Variants in FANCI observed in about 807,000 individuals in gnomAD.
The protein encoded by FANCI is Fanconi anemia group I protein.
In FANCI, 156 loss-of-function variants were observed where a neutral mutation model predicts 176.1. That is an observed-to-expected ratio of 0.89 (90% CI 0.78 to 1.01). The LOEUF is 1.01. Among genes scored for constraint, FANCI ranks in the 50% least tolerant of loss-of-function variants. FANCI has a pLI of 0.00. For synonymous variants in FANCI, 613 were observed against 541.7 expected (o/e 1.13, Z -1.83); for missense variants, 1,678 against 1,534.1 (o/e 1.09, Z -1.57).
intron 8 of FANCI, 85 bp downstream of exon 8, chr15:89,264,111 A>G: frequency 6.8e-7 from 1 of 1,474,292 alleles, no homozygotes; most frequent in Non-Finnish European, 9.5e-7. Context: ...TGGTTTATAT[A>G]GCAGAGCAAA....
intron 2 of FANCI, among the ~76,000 whole-genome samples, chr15:89,254,886 T>G (rs1247205445): frequency 6.6e-6 from 1 of 152,142 alleles, no homozygotes; most frequent in African/African-American, 2.4e-5. Context: ...AGTTGGAAAA[T>G]CATTCCTTTG....
chr15:89,259,777 G>C (rs2052639149), intron 3 of FANCI, among the ~76,000 whole-genome samples: 1 of 152,066 alleles, frequency 6.6e-6, no homozygotes, highest in Non-Finnish European at 1.5e-5. Flanking sequence ...GACTTCTTTC[G>C]TTTATAATGT....
At chr15:89,315,809 T>A (rs922867666) in intron 37 of FANCI, among the ~76,000 whole-genome samples, 2 of 152,224 alleles carry the variant, frequency 1.3e-5, no homozygotes, top group African/African-American at 4.8e-5. Flanking sequence ...TTTTCCCTTG[T>A]GGTTTGTTCC....
chr15:89,248,346 T>C (rs2052082893), intron 2 of FANCI, among the ~76,000 whole-genome samples: 1 of 152,224 alleles, frequency 6.6e-6, no homozygotes, highest in Non-Finnish European at 1.5e-5. Flanking sequence ...AAGGTATATG[T>C]ACAAACAAGT....
At position 89,283,259 on chromosome 15, in the gene FANCI, T is replaced by C; in HGVS notation, c.1698+9T>C. ...CTCTCAGTGTCAGTCAGGTAAGGAT[T>C]ATTTACGTTAACTTGCAGTGTGTGC... On this transcript the variant is annotated intron_variant, in intron 17 of 37. Transcript: ENST00000310775. 7.4e-6 allele frequency: 12 copies of C among 1,613,352 alleles called. No homozygotes were observed. Among genetic ancestry groups the C allele is most frequent in the Non-Finnish European group, 1.0e-5 (12 of 1,179,274 alleles).
At chr15:89,287,173 C>T (rs1445593962) in intron 18 of FANCI, among the ~76,000 whole-genome samples, 2 of 152,014 alleles carry the variant, frequency 1.3e-5, no homozygotes, top group African/African-American at 2.4e-5. Context: ...TGGGGTTTCA[C>T]CATGTTGGCC....
At position 89,246,767 on chromosome 15, in the gene FANCI, T is replaced by C. The variant is rs61621756; in HGVS notation, c.-19-862T>C. On this transcript the variant is annotated intron_variant, in intron 1 of 37. Transcript: ENST00000310775. ...TCTTTCTTTCTTTCTTCCTTTCTTT[T>C]TTTTTTTTTTTTTTTTGAGACAGAG... 5.6e-3 allele frequency among the ~76,000 whole-genome samples: 642 copies of C among 115,638 alleles called. 12 individuals carry two copies. The highest frequency in any genetic ancestry group is 0.022 in the African/African-American group (583 of 26,144). The allele number at this position is 115,638 out of a possible 152,430, so 75.9% of individuals were successfully genotyped here.
Position 89,305,621 on chromosome 15 carries a change from A to T in FANCI, c.3272A>T (p.Gln1091Leu). ...TTCTTTCAGTTACTTGTTCTGAGTC[A>T]GGCCGAGAAGGTTCTAGAAGAAGTG... ...APTVCLLVLS[Q>L]AEKVLEEVDW... Residue 1091 changes from glutamine (Q) to leucine (L), a missense_variant, in exon 31 of 38, where the codon CAG becomes CTG. Gln to Leu is a moderately radical substitution (Grantham distance 113, BLOSUM62 -2). Transcript: ENST00000310775. 6.2e-7 allele frequency: 1 copy of T among 1,614,206 alleles called. No individual in the cohort carries two copies. The highest frequency in any genetic ancestry group is 8.5e-7 in the Non-Finnish European group (1 of 1,180,032).
chr15:89,260,822 C>G lies in FANCI; in HGVS notation c.267C>G (p.Ile89Met), dbSNP rs1348215359. The part of the protein sequence containing the change: ...GDLQKEIASE[I>M]IGLLMLEAHH... Reference sequence around the variant, plus strand: ...TGCAGAAAGAAATAGCGTCTGAGATCATAGGATTACTGATGCTGGAGGTAA... The same window carrying G: ...TGCAGAAAGAAATAGCGTCTGAGATGATAGGATTACTGATGCTGGAGGTAA... The change falls in exon 4 of 38, where the codon ATC (isoleucine) becomes ATG (methionine). Residue 89 changes from isoleucine to methionine, a missense_variant. By Grantham distance (10) the Ile-to-Met change is conservative. Coordinates refer to ENST00000310775, the MANE Select transcript of FANCI (RefSeq NM_001113378.2). 1 of 1,613,784 alleles carries G rather than the reference C, an allele frequency of 6.2e-7. No individual in the cohort carries two copies. The highest frequency in any genetic ancestry group is 1.1e-5 in the South Asian group (1 of 91,052).
At position 89,268,465 on chromosome 15, in the gene FANCI, CAT is replaced by C. The variant is rs2053064127; in HGVS notation, c.823_824del (p.Ile275CysfsTer9). The C allele has an allele frequency of 6.2e-7, 1 of 1,614,174 alleles. No homozygotes were observed. The highest frequency in any genetic ancestry group is 2.2e-5 in the East Asian group (1 of 44,888). ...ATGTGGAAGGCACCATTATTCTACA[CAT>C]TGTGTTTGCCATCAAATTGGACTAT... ...RHVEGTIILHIVFAIKLDYEL... is the reference protein window; with the variant it reads ...RHVEGTIILHXVFAIKLDYEL... On this transcript the variant is annotated frameshift_variant, in exon 10 of 38. Transcript: ENST00000310775. LOFTEE classifies it high-confidence loss of function.
In FANCI at chr15:89,299,888, T is replaced by C. The variant is rs1208946828; in HGVS notation, c.2725T>C (p.Leu909=). 6.2e-7 allele frequency: 1 copy of C among 1,614,052 alleles called. No homozygotes were observed. Among genetic ancestry groups the C allele is most frequent in the Admixed American group, 1.7e-5 (1 of 60,010 alleles). The change falls in exon 25 of 38, where the codon TTG becomes CTG. Residue 909 remains leucine (L), a synonymous_variant. Coordinates refer to ENST00000310775, the MANE Select transcript of FANCI (RefSeq NM_001113378.2). The stretch of plus-strand genomic sequence containing the variant: ...AGGAAAGAGCATCTCACTGCTGTGC[T>C]TGGAGGGTTTACAGAAAATATTCAG... ...EKGKSISLLC[L]EGLQKIFSAV...
intron 28 of FANCI, among the ~76,000 whole-genome samples, chr15:89,304,278 A>G (rs190178234): frequency 3.3e-5 from 5 of 152,380 alleles, no homozygotes; most frequent in Admixed American, 6.5e-5. Context: ...AGCAGTAGAA[A>G]GGATAAAAGA....
chr15:89,253,168 A>C (rs917541630), intron 2 of FANCI, among the ~76,000 whole-genome samples: 2 of 152,234 alleles, frequency 1.3e-5, no homozygotes, highest in African/African-American at 4.8e-5. Flanking sequence ...AATAGACCCA[A>C]CTACAAGTAA....
In FANCI at chr15:89,281,795, G is replaced by A. The variant is rs1297941905; in HGVS notation, c.1543G>A (p.Asp515Asn). Residue 515 changes from aspartate to asparagine, a missense_variant, in exon 16 of 38, where the codon GAC becomes AAC. This residue lies in a region of FANCI where 1,204 missense variants were observed against 1,077.4 expected (regional missense o/e 1.12). Transcript: ENST00000310775. ...TCTCAAAGTCAGCATGTCAATGAGAGACTGCTTGATACTTGTCCTTCGGAA... is the reference window on the plus strand; with the variant it reads ...TCTCAAAGTCAGCATGTCAATGAGAAACTGCTTGATACTTGTCCTTCGGAA... ...PLLKVSMSMR[D>N]CLILVLRKAM... The A allele has an allele frequency of 6.2e-7, 1 of 1,613,924 alleles. No individual in the cohort carries two copies. Among genetic ancestry groups the A allele is most frequent in the Non-Finnish European group, 8.5e-7 (1 of 1,179,910 alleles).
intron 32 of FANCI, among the ~76,000 whole-genome samples, chr15:89,307,086 C>T (rs933292337): frequency 3.9e-5 from 6 of 152,192 alleles, no homozygotes; most frequent in Non-Finnish European, 8.8e-5. Flanking sequence ...TGGACCACCC[C>T]GCATCACAGC....
chr15:89,263,778 G>C (rs1178035350), intron 7 of FANCI, 125 bp from the exon 8 acceptor site: 3 of 1,145,460 alleles, frequency 2.6e-6, no homozygotes, highest in Non-Finnish European at 3.8e-6. Flanking sequence ...TTAATTCTCT[G>C]CTCCCAAGTT....
rs372117099 is a variant in FANCI at position 89,294,863 on chromosome 15, A to G, written c.2457-52A>G. On this transcript the variant is annotated intron_variant, in intron 23 of 37. Transcript: ENST00000310775. ...CTAGAAAGCTTAATTCCATATACCA[A>G]TAGCAGTAAGGGAATCTTCCTTTTT... is the stretch of plus-strand genomic sequence containing the variant. The G allele has an allele frequency of 4.6e-5, 70 of 1,524,524 alleles. 1 individual carries two copies. In the East Asian group the frequency reaches 8.1e-4, roughly 18 times the overall value. The allele number at this position is 1,524,524 out of a possible 1,614,324, so 94.4% of individuals were successfully genotyped here.
At chr15:89,261,466 T>A in intron 4 of FANCI, 119 bp from the exon 5 acceptor site, 1 of 1,256,832 alleles carries the variant, frequency 8.0e-7, no homozygotes, top group Non-Finnish European at 1.2e-6. Flanking sequence ...AAATCCCTTA[T>A]GGGACCAGTT....
intron 18 of FANCI, among the ~76,000 whole-genome samples, chr15:89,287,089 T>G (rs578047993): frequency 6.6e-6 from 1 of 150,902 alleles, no homozygotes; most frequent in African/African-American, 2.4e-5. Context: ...TTCTCCTGCC[T>G]CAGCCTCCCA....
Sources: allele counts gnomAD v4.1 joint callset (sites outside exome capture counted in the v4.1 genomes callset), GRCh38; gene constraint gnomAD v4.1.1; regional missense constraint gnomAD v4.1.1; transcripts MANE v1.5; gene names NCBI Gene and HGNC (gene_info 2026-07-23, HGNC 2026-07-21).